MGST1: variants seen among roughly 807,000 people sequenced by gnomAD.
MGST1 encodes the protein glutathione S-transferase 12.
MGST1 carries 5 observed loss-of-function variants against 8.9 expected under a neutral mutation model. That is an observed-to-expected ratio of 0.56 (90% CI 0.29 to 1.19). The LOEUF (loss-of-function observed/expected upper bound fraction) is 1.19, where lower values mean the gene tolerates loss of function less well. Among genes scored for constraint, MGST1 ranks in the 50% most tolerant of loss-of-function variants. The probability of loss-of-function intolerance (pLI) is 0.08; values close to 1 mark genes in which losing one functional copy is unlikely to be tolerated. For synonymous variants in MGST1, 54 were observed against 67.8 expected (o/e 0.80, Z 1.00); for missense variants, 182 against 187.4 (o/e 0.97, Z 0.17).
chr12:16,537,987 TG>T lies in MGST1; in HGVS notation n.483-51538del, dbSNP rs1305058715. ...CCAGCTTGAATTTCTTCTCAAAAAATGGGTTGTTCTTTTCTACTGCATCATC... is the reference window on the plus strand; with the variant it reads ...CCAGCTTGAATTTCTTCTCAAAAAATGGTTGTTCTTTTCTACTGCATCATC... On this transcript the variant is annotated intron_variant and non_coding_transcript_variant, in intron 4 of 4. Transcript: ENST00000538857. This position sits in a 1 kb window ranked among gnomAD's most constrained non-coding sequence, Gnocchi z 4.6. Among the ~76,000 whole-genome samples the T allele has an allele frequency of 6.6e-6, 1 of 152,176 alleles. No individual in the cohort carries two copies. The highest frequency in any genetic ancestry group is 1.5e-5 in the Non-Finnish European group (1 of 68,018).
At position 16,540,398 on chromosome 12, in the gene MGST1, G is replaced by A. The variant is rs147725493; in HGVS notation, n.483-49130G>A. ...AGCGATCCTCTCACTTCAGCTTTCC[G>A]AGTAGCTGGGATTATAGGTGCACAC... On this transcript the variant is annotated intron_variant and non_coding_transcript_variant, in intron 4 of 4. Coordinates refer to the MGST1 transcript ENST00000538857. Among the ~76,000 whole-genome samples, 344 of 152,260 alleles carry A rather than the reference G, an allele frequency of 2.3e-3. 2 individuals carry two copies. The highest frequency in any genetic ancestry group is 7.8e-3 in the African/African-American group (323 of 41,556).
chr12:16,537,070 G>C lies in MGST1; in HGVS notation n.483-52458G>C, dbSNP rs1210717259. On this transcript the variant is annotated intron_variant and non_coding_transcript_variant, in intron 4 of 4. Coordinates refer to the MGST1 transcript ENST00000538857. The surrounding 1 kb of genome is among the most constrained non-coding windows in gnomAD (Gnocchi z 4.6). ...GCAAGTCCCTTCTGCCTATGAACCT[G>C]TAAAGTCAAAAGCAAGTTAGTTACT... is the stretch of plus-strand genomic sequence containing the variant. Among the ~76,000 whole-genome samples the C allele has an allele frequency of 6.6e-6, 1 of 152,144 alleles. No homozygotes were observed. The highest frequency in any genetic ancestry group is 1.5e-5 in the Non-Finnish European group (1 of 68,034).
chr12:16,392,242 G>A (rs75109044), intron 1 of MGST1, among the ~76,000 whole-genome samples: 98 of 152,102 alleles, frequency 6.4e-4, no homozygotes, highest in South Asian at 1.0e-3. Context: ...TCTTTTTTGC[G>A]TATTTGCATT....
At chr12:16,433,312 A>G (rs565182027) in intron 1 of MGST1, among the ~76,000 whole-genome samples, 13 of 152,130 alleles carry the variant, frequency 8.5e-5, no homozygotes, top group African/African-American at 2.9e-4. Flanking sequence ...ACTGACTCAA[A>G]TATTAGTCTC....
chr12:16,539,143 A>G (rs1941777525), intron 4 of MGST1, among the ~76,000 whole-genome samples: 3 of 152,204 alleles, frequency 2.0e-5, no homozygotes, highest in Admixed American at 1.3e-4. Flanking sequence ...AAACCATATC[A>G]GACAACTTTA....
rs1940925042 is a variant in MGST1 at position 16,430,024 on chromosome 12, G to A, written n.779-7364G>A. On this transcript the variant is annotated intron_variant and non_coding_transcript_variant, in intron 1 of 1. Transcript: ENST00000359720. Reference sequence around the variant, plus strand: ...TTGCTGCTTTATCAACAAAGTTCATGTAATATTCTAAATCCTTTGTTGTCA... The same window carrying A: ...TTGCTGCTTTATCAACAAAGTTCATATAATATTCTAAATCCTTTGTTGTCA... Among the ~76,000 whole-genome samples the A allele has an allele frequency of 2.0e-5, 3 of 152,186 alleles. 1 individual carries two copies. The South Asian group carries it at 6.2e-4, about 32-fold the overall frequency.
At chr12:16,452,191 C>G (rs1413073768) in intron 4 of MGST1, among the ~76,000 whole-genome samples, 1 of 151,744 alleles carries the variant, frequency 6.6e-6, no homozygotes, top group Admixed American at 6.6e-5. Context: ...TTTACTTTGT[C>G]TTTCTATAAG....
chr12:16,496,193 T>A (rs527694408), intron 4 of MGST1, among the ~76,000 whole-genome samples: 1 of 152,164 alleles, frequency 6.6e-6, no homozygotes, highest in South Asian at 2.1e-4. Context: ...AGGGGATTTG[T>A]TAAAGGATGC....
intron 1 of MGST1, among the ~76,000 whole-genome samples, chr12:16,414,357 C>CTTTTTTTT (rs375736641): frequency 1.9e-5 from 2 of 103,154 alleles, no homozygotes; most frequent in Non-Finnish European, 3.9e-5. Flanking sequence ...TACCTGATTT[C>CTTTTTTTT]TTTTTTTTTT....
chr12:16,356,774 GT>G (rs1206657806), intron 2 of MGST1, among the ~76,000 whole-genome samples: 1 of 152,122 alleles, frequency 6.6e-6, no homozygotes, highest in African/African-American at 2.4e-5. Flanking sequence ...TCAACCCAAA[GT>G]TTTATCTGAT....
rs749148179 is a variant in MGST1 at position 16,547,047 on chromosome 12, T to C, written n.483-42481T>C. Among the ~76,000 whole-genome samples, 2 of 152,158 alleles carry C rather than the reference T, an allele frequency of 1.3e-5. No homozygotes were observed. The highest frequency in any genetic ancestry group is 2.4e-5 in the African/African-American group (1 of 41,450). On this transcript the variant is annotated intron_variant and non_coding_transcript_variant, in intron 4 of 4. Coordinates refer to the MGST1 transcript ENST00000538857. This position sits in a 1 kb window ranked among gnomAD's most constrained non-coding sequence, Gnocchi z 4.6. The stretch of plus-strand genomic sequence containing the variant: ...CATCTTGATTATAAAAGTAAAAATA[T>C]ACCTTTCTGAATAATACTTTTCTAA...
chr12:16,380,133 C>T (rs1940435262), downstream of MGST1, among the ~76,000 whole-genome samples: 1 of 152,096 alleles, frequency 6.6e-6, no homozygotes. Context: ...TTTTGTGTCT[C>T]TATTTCCTTC....
rs1199139453 is a variant in MGST1 at position 16,546,149 on chromosome 12, A to AAAG, written n.483-43378_483-43376dup. 9.9e-5 allele frequency among the ~76,000 whole-genome samples: 15 copies of AAAG among 152,096 alleles called. No individual in the cohort carries two copies. The highest frequency in any genetic ancestry group is 2.1e-4 in the Non-Finnish European group (14 of 67,992). ...TGGTAAATATTCGCTATTATTACTA[A>AAAG]AAGTTATTGAAGATGGGTCATATGA... is the stretch of plus-strand genomic sequence containing the variant. On this transcript the variant is annotated intron_variant and non_coding_transcript_variant, in intron 4 of 4. Transcript: ENST00000538857. The surrounding 1 kb of genome is among the most constrained non-coding windows in gnomAD (Gnocchi z 4.7).
At chr12:16,531,410 C>T (rs1280669264) in intron 4 of MGST1, among the ~76,000 whole-genome samples, 3 of 151,762 alleles carry the variant, frequency 2.0e-5, no homozygotes, top group Non-Finnish European at 2.9e-5. Context: ...AAAACAAGGG[C>T]CCTTTCCTGT....
In MGST1 at chr12:16,401,859, C is replaced by T. The variant is rs1940657754; in HGVS notation, n.778+18255C>T. ...TTTGTTGAAGACTTCAGAAGTGATGCCAGCTGCTTTCTTCATTAATTTGAG... is the reference window on the plus strand; with the variant it reads ...TTTGTTGAAGACTTCAGAAGTGATGTCAGCTGCTTTCTTCATTAATTTGAG... On this transcript the variant is annotated intron_variant and non_coding_transcript_variant, in intron 1 of 1. Transcript: ENST00000359720. This position sits in a 1 kb window ranked among gnomAD's most constrained non-coding sequence, Gnocchi z 4.3. 2.5e-6 allele frequency: 4 copies of T among 1,604,514 alleles called. No individual in the cohort carries two copies. The highest frequency in any genetic ancestry group is 1.7e-4 in the Middle Eastern group (1 of 6,048).
intron 4 of MGST1, among the ~76,000 whole-genome samples, chr12:16,472,645 A>G (rs1941296187): frequency 6.6e-6 from 1 of 152,202 alleles, no homozygotes; most frequent in Non-Finnish European, 1.5e-5. Flanking sequence ...CTTCGGAGAT[A>G]TCTTTTCAGT....
intron 4 of MGST1, among the ~76,000 whole-genome samples, chr12:16,564,957 T>A (rs917688739): frequency 2.1e-4 from 31 of 150,546 alleles, no homozygotes; most frequent in East Asian, 9.7e-4. Context: ...GGCTAATTTT[T>A]AAAAAAAAAA....
intron 4 of MGST1, among the ~76,000 whole-genome samples, chr12:16,512,525 A>T (rs1261735892): frequency 6.6e-6 from 1 of 152,258 alleles, no homozygotes; most frequent in Non-Finnish European, 1.5e-5. Flanking sequence ...ACAACTTCAA[A>T]TATAATTTTA....
At chr12:16,402,528 T>A in intron 1 of MGST1, 1 of 947,978 alleles carries the variant, frequency 1.1e-6, no homozygotes, top group Non-Finnish European at 1.6e-6. Context: ...GTTAGATTTA[T>A]AATAAGCTAC....
Sources: allele counts gnomAD v4.1 joint callset (sites outside exome capture counted in the v4.1 genomes callset), GRCh38; gene constraint gnomAD v4.1.1; non-coding constraint Gnocchi (gnomAD v3.1); transcripts MANE v1.5; gene names NCBI Gene and HGNC (gene_info 2026-07-23, HGNC 2026-07-21).